SYMPK: variants seen among roughly 807,000 people sequenced by gnomAD.
SYMPK encodes the protein symplekin.
A neutral mutation model predicts 136.4 loss-of-function variants in SYMPK; 49 were observed. The ratio of observed to expected loss-of-function variants is 0.36; its 90% CI spans 0.29 to 0.46. SYMPK has a LOEUF of 0.46. Ranked by LOEUF, SYMPK falls within the 20% of genes least tolerant of loss-of-function variation. The pLI, the probability that SYMPK is intolerant of heterozygous loss-of-function variation, is 1.00. For synonymous variants in SYMPK, 766 were observed against 713.0 expected, an observed-to-expected ratio of 1.07 and a Z score of -1.19; for missense variants, 1,365 against 1,690.0, an observed-to-expected ratio of 0.81 and a Z score of 3.37.
intron 7 of SYMPK, among the ~76,000 whole-genome samples, chr19:45,845,015 C>T (rs1272035283): frequency 1.3e-5 from 2 of 152,136 alleles, no homozygotes; most frequent in Non-Finnish European, 2.9e-5. Context: ...AAGCATTTAT[C>T]CGTTTTGTTA....
At chr19:45,826,766 G>A (rs1971052080) in intron 16 of SYMPK, among the ~76,000 whole-genome samples, 1 of 152,170 alleles carries the variant, frequency 6.6e-6, no homozygotes, top group South Asian at 2.1e-4. Context: ...GTCTGGTCCT[G>A]GGCACTCTGA....
chr19:45,829,272 T>G lies in SYMPK; in HGVS notation c.1750-67A>C, dbSNP rs1037913932. The G allele has an allele frequency of 8.6e-6, 12 of 1,387,356 alleles. No individual in the cohort carries two copies. In the African/African-American group the frequency reaches 1.7e-4, roughly 20 times the overall value. The allele number at this position is 1,387,356 out of a possible 1,614,324, so 85.9% of individuals were successfully genotyped here. A position where few individuals can be genotyped will look rare whatever the true frequency, so the allele number is the denominator to read the frequency against. On this transcript the variant is annotated intron_variant, in intron 13 of 26. Transcript: ENST00000245934. The stretch of plus-strand genomic sequence containing the variant: ...ATCCAGGGACTCCGCAATCGTGCCC[T>G]GCGACTTCTCCCACCCAGACGCAGG...
At chr19:45,846,105 G>A (rs1971553344) in intron 7 of SYMPK, among the ~76,000 whole-genome samples, 1 of 152,114 alleles carries the variant, frequency 6.6e-6, no homozygotes, top group Admixed American at 6.6e-5. Context: ...GCGTGGTGGC[G>A]GGCACCTGTG....
At chr19:45,847,673 A>AG in intron 7 of SYMPK, 79 bp downstream of exon 7, 1 of 1,520,166 alleles carries the variant, frequency 6.6e-7, no homozygotes, top group African/African-American at 1.4e-5. Flanking sequence ...AAAAAAGACA[A>AG]GGGGGAGAGA....
chr19:45,853,770 C>G (rs528148227), intron 3 of SYMPK, among the ~76,000 whole-genome samples: 2 of 152,346 alleles, frequency 1.3e-5, no homozygotes, highest in African/African-American at 4.8e-5. Context: ...GGGCTCCCTT[C>G]TCCATCCCAG....
chr19:45,850,279 C>T (rs1971667999), intron 5 of SYMPK, among the ~76,000 whole-genome samples: 1 of 152,110 alleles, frequency 6.6e-6, no homozygotes, highest in African/African-American at 2.4e-5. Context: ...CCCAGCCTTG[C>T]CACATTCTGG....
intron 12 of SYMPK, 151 bp downstream of exon 12, chr19:45,831,232 CG>C (rs1201378471): frequency 8.3e-6 from 4 of 483,396 alleles, no homozygotes; most frequent in African/African-American, 8.1e-5. Context: ...GGCACTGACT[CG>C]GGAGTCAGAG....
intron 1 of SYMPK, among the ~76,000 whole-genome samples, chr19:45,857,178 G>A (rs1418727918): frequency 6.6e-6 from 1 of 151,700 alleles, no homozygotes; most frequent in Non-Finnish European, 1.5e-5. Flanking sequence ...GGAGGCCAAG[G>A]CGGACGGATC....
At chr19:45,838,729 A>G in intron 9 of SYMPK, 114 bp from the exon 10 acceptor site, 1 of 1,197,914 alleles carries the variant, frequency 8.3e-7, no homozygotes, top group South Asian at 1.5e-5. Flanking sequence ...AACAGGAGCA[A>G]ACAGCGGATG....
intron 5 of SYMPK, 138 bp from the exon 6 acceptor site, chr19:45,849,014 T>A: frequency 9.7e-7 from 1 of 1,028,576 alleles, no homozygotes; most frequent in Non-Finnish European, 1.5e-6. Context: ...CTGGGAACAG[T>A]GCTTGGTGCC....
chr19:45,828,883 A>G (rs1026548246), intron 14 of SYMPK, 87 bp downstream of exon 14: 2 of 1,318,672 alleles, frequency 1.5e-6, no homozygotes, highest in Non-Finnish European at 2.1e-6. Context: ...GGTGACGAAG[A>G]GGGAGGTGGT....
intron 1 of SYMPK, among the ~76,000 whole-genome samples, chr19:45,860,494 C>CACAT (rs150180119): frequency 0.87 from 131,080 of 150,994 alleles, 56,969 homozygotes; most frequent in East Asian, 0.91. Flanking sequence ...CCCACACACA[C>CACAT]AGAGAGAGAA....
chr19:45,858,521 T>TC (rs1320722449), intron 1 of SYMPK, among the ~76,000 whole-genome samples: 1 of 152,118 alleles, frequency 6.6e-6, no homozygotes, highest in African/African-American at 2.4e-5. Flanking sequence ...CGACTATGTT[T>TC]CTTTTTTTTT....
rs563422689 is a variant in SYMPK at position 45,824,124 on chromosome 19, C to T, written c.2491-249G>A. On this transcript the variant is annotated intron_variant, in intron 18 of 26. Coordinates refer to ENST00000245934, the MANE Select transcript of SYMPK (RefSeq NM_004819.3). The stretch of plus-strand genomic sequence containing the variant: ...GGCTGGGCTGTCCTCCTGCGGGCCA[C>T]TCCTCTGTGGCTCAGACTTGACCTG... 1.0e-3 allele frequency: 502 copies of T among 503,560 alleles called. 2 individuals are homozygous for T. The highest frequency in any genetic ancestry group is 8.8e-3 in the African/African-American group (453 of 51,518). 31.2% of individuals were successfully genotyped at this position (503,560 alleles called of 1,614,324 possible). A position where few individuals can be genotyped will look rare whatever the true frequency, so the allele number is the denominator to read the frequency against.
chr19:45,829,072 T>C lies in SYMPK; in HGVS notation c.1883A>G (p.Asn628Ser), dbSNP rs886669919. The change falls in exon 14 of 27, where the codon AAC becomes AGC. Residue 628 changes from asparagine (N) to serine (S), a missense_variant. This residue lies in a region of SYMPK where 303 missense variants were observed against 326.6 expected (regional missense o/e 0.93). Transcript: ENST00000245934. ...LAFAWLYQEY[N>S]AYLAAGASGS... Reference sequence around the variant, plus strand: ...CGAGGCACCTGCGGCCAGGTAGGCGTTGTACTCCTGGTAGAGCCAGGCGAA... The same window carrying C: ...CGAGGCACCTGCGGCCAGGTAGGCGCTGTACTCCTGGTAGAGCCAGGCGAA... The C allele has an allele frequency of 2.5e-6, 4 of 1,614,062 alleles. No individual in the cohort carries two copies. The South Asian group carries it at 3.3e-5, about 13-fold the overall frequency.
At chr19:45,846,455 T>G (rs1396569286) in intron 7 of SYMPK, among the ~76,000 whole-genome samples, 1 of 152,194 alleles carries the variant, frequency 6.6e-6, no homozygotes, top group Non-Finnish European at 1.5e-5. Context: ...ATACACCAAA[T>G]GCTCATACCT....
chr19:45,833,680 C>T (rs886456955), intron 11 of SYMPK, among the ~76,000 whole-genome samples: 10 of 152,206 alleles, frequency 6.6e-5, no homozygotes, highest in African/African-American at 2.4e-4. Flanking sequence ...CACTGGTTTT[C>T]TCTGGAGTTC....
chr19:45,841,825 A>G (rs889053427), intron 9 of SYMPK, among the ~76,000 whole-genome samples: 7 of 152,110 alleles, frequency 4.6e-5, no homozygotes, highest in Non-Finnish European at 8.8e-5. Flanking sequence ...AAACATAAAG[A>G]AGTGTTCACA....
rs1971009507 is a variant in SYMPK, at chr19:45,825,136, G to GGGTGGGCAGGGCCT, written c.2490+21_2490+34dup. On this transcript the variant is annotated intron_variant, in intron 18 of 26. Transcript: ENST00000245934. ...GAGCTGGGGACACAGCCTTGCCCGTGGGTGGGCAGGGCCTGGTGGGCTCAG... is the reference window on the plus strand; with the variant it reads ...GAGCTGGGGACACAGCCTTGCCCGTGGGTGGGCAGGGCCTGGTGGGCAGGGCCTGGTGGGCTCAG... 6.3e-6 allele frequency: 10 copies of GGGTGGGCAGGGCCT among 1,598,712 alleles called. No homozygotes were observed. The East Asian group carries it at 2.2e-4, about 36-fold the overall frequency.
Sources: allele counts gnomAD v4.1 joint callset (sites outside exome capture counted in the v4.1 genomes callset), GRCh38; gene constraint gnomAD v4.1.1; regional missense constraint gnomAD v4.1.1; transcripts MANE v1.5; gene names NCBI Gene and HGNC (gene_info 2026-07-23, HGNC 2026-07-21).